NECAB1: variants seen among roughly 807,000 people sequenced by gnomAD.
The protein encoded by NECAB1 is N-terminal EF-hand calcium-binding protein 1.
A neutral mutation model predicts 57.5 loss-of-function variants in NECAB1; 29 were observed. That is an observed-to-expected ratio of 0.50 (90% CI 0.38 to 0.69). The LOEUF (loss-of-function observed/expected upper bound fraction) is 0.69. Ranked by LOEUF, NECAB1 falls within the 30% of genes least tolerant of loss-of-function variation. The probability of loss-of-function intolerance (pLI) is 0.00; values close to 1 mark genes in which losing one functional copy is unlikely to be tolerated. For missense variants in NECAB1, 372 were observed against 413.8 expected (o/e 0.90, Z 0.88); for synonymous variants, 142 against 147.7 (o/e 0.96, Z 0.28).
At chr8:90,902,617 T>C (rs1809535524) in intron 5 of NECAB1, among the ~76,000 whole-genome samples, 1 of 152,020 alleles carries the variant, frequency 6.6e-6, no homozygotes, top group South Asian at 2.1e-4. Context: ...AGTTTATCAA[T>C]AGTTAAATAA....
intron 2 of NECAB1, among the ~76,000 whole-genome samples, chr8:90,806,223 A>G (rs1811844669): frequency 6.6e-6 from 1 of 152,158 alleles, no homozygotes; most frequent in African/African-American, 2.4e-5. Context: ...CTGTTTAATC[A>G]CTGTTCCCTC....
chr8:90,915,129 T>G (rs1809920679), intron 5 of NECAB1, among the ~76,000 whole-genome samples: 1 of 152,212 alleles, frequency 6.6e-6, no homozygotes, highest in African/African-American at 2.4e-5. Context: ...TCATTTGCTT[T>G]ATATTAGTCA....
intron 2 of NECAB1, chr8:90,813,196 AAATAAATT>A (rs1166260974): frequency 2.1e-5 from 3 of 143,366 alleles, no homozygotes; most frequent in Non-Finnish European, 3.0e-5. Flanking sequence ...TCAAAATAAT[AAATAAATT>A]AAATAAATAA....
intron 3 of NECAB1, among the ~76,000 whole-genome samples, chr8:90,835,271 C>T (rs947598476): frequency 6.6e-6 from 1 of 152,132 alleles, no homozygotes; most frequent in Admixed American, 6.5e-5. Flanking sequence ...CCTGCTTCCT[C>T]AAATCTCATG....
intron 1 of NECAB1, 53 bp from the exon 2 acceptor site, chr8:90,801,638 G>C (rs557847440): frequency 3.6e-6 from 4 of 1,119,756 alleles, no homozygotes; most frequent in Non-Finnish European, 3.9e-6. Context: ...TGTAACGTTC[G>C]TTGCAATATT....
At chr8:90,850,274 T>C (rs985530592) in intron 3 of NECAB1, among the ~76,000 whole-genome samples, 4 of 152,178 alleles carry the variant, frequency 2.6e-5, no homozygotes, top group African/African-American at 9.7e-5. Context: ...ACTGATGAAG[T>C]TGCTGTGGAA....
chr8:90,829,146 T>C (rs920653009), intron 3 of NECAB1, among the ~76,000 whole-genome samples: 2 of 152,064 alleles, frequency 1.3e-5, no homozygotes, highest in African/African-American at 4.8e-5. Flanking sequence ...ATAAAGTTAC[T>C]CTTCAGAAAA....
At chr8:90,840,705 TTGAC>T (rs1161954480) in intron 3 of NECAB1, among the ~76,000 whole-genome samples, 1 of 152,200 alleles carries the variant, frequency 6.6e-6, no homozygotes, top group Non-Finnish European at 1.5e-5. Context: ...TGAGGTTTGT[TTGAC>T]TGCGGTCTTA....
Position 90,955,633 on chromosome 8 carries a change from T to G in NECAB1, c.*121T>G. ...GTATATTTTTGTTTGGTATATTTAC[T>G]AAGTGCACTCTTTCAAAACTTATTC... On this transcript the variant is annotated 3_prime_UTR_variant, in exon 13 of 13. Transcript: ENST00000417640. 1.6e-6 allele frequency: 1 copy of G among 635,542 alleles called. No individual in the cohort carries two copies. The highest frequency in any genetic ancestry group is 2.6e-6 in the Non-Finnish European group (1 of 385,810). 39.4% of individuals were successfully genotyped at this position (635,542 alleles called of 1,614,324 possible). A position where few individuals can be genotyped will look rare whatever the true frequency, so the allele number is the denominator to read the frequency against.
intron 5 of NECAB1, among the ~76,000 whole-genome samples, chr8:90,902,951 A>G (rs1012820921): frequency 1.3e-5 from 2 of 152,090 alleles, no homozygotes; most frequent in Non-Finnish European, 2.9e-5. Flanking sequence ...TTAGACAACT[A>G]TCTTTAGTTT....
intron 12 of NECAB1, among the ~76,000 whole-genome samples, chr8:90,952,732 C>T (rs997704723): frequency 4.0e-5 from 6 of 151,710 alleles, no homozygotes; most frequent in Non-Finnish European, 7.4e-5. Context: ...GAGCCAAGAT[C>T]GCACCACTGC....
intron 6 of NECAB1, 41 bp from the exon 7 acceptor site, chr8:90,925,494 A>G (rs1254464286): frequency 2.5e-6 from 4 of 1,600,294 alleles, no homozygotes; most frequent in Non-Finnish European, 3.4e-6. Context: ...AAGAGACTGA[A>G]GCACTAACAT....
Position 90,880,965 on chromosome 8 carries a change from G to A in NECAB1, c.260-68G>A, listed in dbSNP as rs1449181092. 2.6e-6 allele frequency: 3 copies of A among 1,141,602 alleles called. No individual in the cohort carries two copies. In the East Asian group the frequency reaches 7.8e-5, roughly 30 times the overall value. The allele number at this position is 1,141,602 out of a possible 1,614,324, so 70.7% of individuals were successfully genotyped here. ...TACTCATTTAAGGAGTAAATAATTA[G>A]TTGATTTTTTTGTTTTATGGTTACC... On this transcript the variant is annotated intron_variant, in intron 4 of 12. Transcript: ENST00000417640.
intron 6 of NECAB1, 26 bp downstream of exon 6, chr8:90,917,654 T>A: frequency 6.3e-7 from 1 of 1,594,922 alleles, no homozygotes. Flanking sequence ...TCATCTGATG[T>A]CTATTTAGTG....
Position 90,808,670 on chromosome 8 carries a change from G to T in NECAB1, c.124+6955G>T, listed in dbSNP as rs1341009647. ...TTTTTTTTTTTTTTTTTTTGAGATGGAATCTCACTTTGTCGCCCAGGCTGG... is the reference window on the plus strand; with the variant it reads ...TTTTTTTTTTTTTTTTTTTGAGATGTAATCTCACTTTGTCGCCCAGGCTGG... On this transcript the variant is annotated intron_variant, in intron 2 of 12. Coordinates refer to ENST00000417640, the MANE Select transcript of NECAB1 (RefSeq NM_022351.5). Among the ~76,000 whole-genome samples the T allele has an allele frequency of 1.6e-4, 17 of 106,784 alleles. No homozygotes were observed. In the Admixed American group the frequency reaches 1.8e-3, roughly 11 times the overall value. The allele number at this position is 106,784 out of a possible 152,430, so 70.1% of individuals were successfully genotyped here. A position where few individuals can be genotyped will look rare whatever the true frequency, so the allele number is the denominator to read the frequency against.
chr8:90,936,677 A>G (rs1810546795), intron 9 of NECAB1, among the ~76,000 whole-genome samples: 1 of 152,150 alleles, frequency 6.6e-6, no homozygotes, highest in Non-Finnish European at 1.5e-5. Flanking sequence ...AGCAGAGCAG[A>G]TTGTCTGGCA....
Position 90,910,829 on chromosome 8 carries a change from A to G in NECAB1, c.358-6663A>G, listed in dbSNP as rs73298027. Among the ~76,000 whole-genome samples, 487 of 152,272 alleles carry G rather than the reference A, an allele frequency of 3.2e-3. 2 individuals are homozygous for G. Among genetic ancestry groups the G allele is most frequent in the African/African-American group, 0.011 (468 of 41,574 alleles). ...TTATTCTAGTGAACATTTGTTGGCT[A>G]CTTTGGAGTTCTCTTGCTCTCAGGT... On this transcript the variant is annotated intron_variant, in intron 5 of 12. Transcript: ENST00000417640.
chr8:90,833,557 G>A lies in NECAB1; in HGVS notation c.233+8732G>A, dbSNP rs374770456. On this transcript the variant is annotated intron_variant, in intron 3 of 12. Coordinates refer to ENST00000417640, the MANE Select transcript of NECAB1 (RefSeq NM_022351.5). ...AAACTTAATTGAACTCTTTCTTTCC[G>A]CCAGCCATGAAAGAGTTGCCATTAG... Among the ~76,000 whole-genome samples, 222 of 151,840 alleles carry A rather than the reference G, an allele frequency of 1.5e-3. 1 individual carries two copies. Among genetic ancestry groups the A allele is most frequent in the African/African-American group, 5.1e-3 (213 of 41,392 alleles).
intron 5 of NECAB1, among the ~76,000 whole-genome samples, chr8:90,894,753 T>C (rs537479610): frequency 6.6e-6 from 1 of 152,218 alleles, no homozygotes; most frequent in African/African-American, 2.4e-5. Flanking sequence ...CAAAATATTT[T>C]ATTTCTATAA....
Sources: allele counts gnomAD v4.1 joint callset (sites outside exome capture counted in the v4.1 genomes callset), GRCh38; gene constraint gnomAD v4.1.1; transcripts MANE v1.5; gene names NCBI Gene and HGNC (gene_info 2026-07-23, HGNC 2026-07-21).